The following ZNF687 variants were observed in gnomAD, a reference collection of about 807,000 sequenced individuals.
ZNF687 encodes the protein zinc finger protein 687.
A neutral mutation model predicts 71.8 loss-of-function variants in ZNF687; 13 were observed. The observed-to-expected ratio is 0.18, with a 90% CI of 0.12 to 0.29. The LOEUF (loss-of-function observed/expected upper bound fraction) is 0.29. Among genes scored for constraint, ZNF687 ranks in the 10% least tolerant of loss-of-function variants. The pLI, the probability that ZNF687 is intolerant of heterozygous loss-of-function variation, is 1.00. For missense variants in ZNF687, 1,412 were observed against 1,625.6 expected (o/e 0.87, Z 2.26); for synonymous variants, 673 against 641.6 (o/e 1.05, Z -0.74).
chr1:151,290,246 T>C lies in ZNF687; in HGVS notation c.3077+12T>C. The stretch of plus-strand genomic sequence containing the variant: ...GTTTACCCCTGCAGGTAAGTCTTGC[T>C]CCCCGCTTCCTCTTCCTGCCCAGCA... On this transcript the variant is annotated intron_variant, in intron 7 of 8. Coordinates refer to ENST00000336715, the MANE Select transcript of ZNF687 (RefSeq NM_020832.3). 1 of 1,613,426 alleles carries C rather than the reference T, an allele frequency of 6.2e-7. No individual in the cohort carries two copies. The highest frequency in any genetic ancestry group is 1.1e-5 in the South Asian group (1 of 91,074).
At position 151,287,684 on chromosome 1, in the gene ZNF687, G is replaced by A. The variant is rs916658735; in HGVS notation, c.1393G>A (p.Val465Met). 3.1e-6 allele frequency: 5 copies of A among 1,613,450 alleles called. No individual in the cohort carries two copies. In the Admixed American group the frequency reaches 8.3e-5, roughly 27 times the overall value. Residue 465 changes from valine to methionine, a missense_variant, in exon 2 of 9, where the codon GTG (valine) becomes ATG (methionine). Val to Met is a conservative substitution (Grantham distance 21). This residue lies in a region of ZNF687 where 133 missense variants were observed against 155.1 expected (regional missense o/e 0.86). Coordinates refer to ENST00000336715, the MANE Select transcript of ZNF687 (RefSeq NM_020832.3). This position sits in a 1 kb window ranked among gnomAD's most constrained non-coding sequence, Gnocchi z 5.0. ...RAGLGTGGQK[V>M]NGASVVMVQP... ...AGGGCTGGGGACTGGGGGACAGAAG[G>A]TGAATGGTGCCTCGGTGGTGATGGT...
chr1:151,288,543 C>T lies in ZNF687; in HGVS notation c.2131C>T (p.Pro711Ser). ...GATSNVCPTC[P>S]MMLPNRCSFS... ...CACTCGACAGGTGTGCCCAACCTGCCCCATGATGCTCCCCAATCGCTGCAG... is the reference window on the plus strand; with the variant it reads ...CACTCGACAGGTGTGCCCAACCTGCTCCATGATGCTCCCCAATCGCTGCAG... Residue 711 changes from proline (P) to serine (S), a missense_variant, in exon 3 of 9, where the codon CCC becomes TCC. This residue lies in a region of ZNF687 where 207 missense variants were observed against 239.2 expected (regional missense o/e 0.87). Transcript: ENST00000336715. 1.2e-6 allele frequency: 2 copies of T among 1,607,604 alleles called. No individual in the cohort carries two copies. Among genetic ancestry groups the T allele is most frequent in the Middle Eastern group, 1.7e-4 (1 of 6,018 alleles).
At chr1:151,282,256 C>T (rs1262901204), upstream of ZNF687, 8 of 1,010,288 alleles carry the variant, frequency 7.9e-6, no homozygotes, top group Non-Finnish European at 2.4e-6. Flanking sequence ...ACCTGGAGCG[C>T]GGAGGGAGGA....
chr1:151,282,192 G>C, upstream of ZNF687: 17 of 1,079,946 alleles, frequency 1.6e-5, no homozygotes, highest in East Asian at 2.4e-4. Flanking sequence ...AAGGGGCACA[G>C]GGCTGAGCGA....
At position 151,282,411 on chromosome 1, in the gene ZNF687, G is replaced by C. The variant is rs952209523; in HGVS notation, c.-18+16G>C. On this transcript the variant is annotated intron_variant, in intron 1 of 8. Transcript: ENST00000336715. ...AGCGGAACAAGTAAGCGTGCCTGGG[G>C]TAAATACCCGCCCTTGGCTCCGCCC... is the stretch of plus-strand genomic sequence containing the variant. 1 of 986,658 alleles carries C rather than the reference G, an allele frequency of 1.0e-6. No individual in the cohort carries two copies. Among genetic ancestry groups the C allele is most frequent in the African/African-American group, 1.7e-5 (1 of 57,244 alleles). The allele number at this position is 986,658 out of a possible 1,614,324, so 61.1% of individuals were successfully genotyped here.
At chr1:151,284,008 C>G in intron 1 of ZNF687, 1 of 985,442 alleles carries the variant, frequency 1.0e-6, no homozygotes, top group Non-Finnish European at 1.2e-6. Context: ...AGACCTGGGT[C>G]TCCCACAAAC....
upstream of ZNF687, chr1:151,281,890 A>T (rs1400243992): frequency 1.7e-6 from 1 of 601,748 alleles, no homozygotes; most frequent in Non-Finnish European, 2.5e-6. Flanking sequence ...CATTCGCGAA[A>T]GTGAACTGCA....
At position 151,287,797 on chromosome 1, in the gene ZNF687, C is replaced by T. The variant is rs1007039671; in HGVS notation, c.1506C>T (p.Asn502=). 3 of 1,613,958 alleles carry T rather than the reference C, an allele frequency of 1.9e-6. No individual in the cohort carries two copies. The highest frequency in any genetic ancestry group is 2.7e-5 in the African/African-American group (2 of 74,912). Residue 502 remains asparagine (N), a synonymous_variant, in exon 2 of 9, where the codon AAC becomes AAT. Transcript: ENST00000336715. This position sits in a 1 kb window ranked among gnomAD's most constrained non-coding sequence, Gnocchi z 5.0. ...AGTCCAGCCTGGTGGAGGCCTTCAA[C>T]AAGATCCTCAACAGCAAGAACCTGC... ...RTQSSLVEAF[N]KILNSKNLLP...
chr1:151,291,205 A>G lies in ZNF687; in HGVS notation c.3710A>G (p.Asn1237Ser). The change falls in exon 9 of 9, where the codon AAC becomes AGC. Residue 1237 changes from asparagine (N) to serine (S), a missense_variant. Physicochemically the swap from Asn to Ser is conservative, Grantham distance 46. Around this residue, in one of 8 missense-constraint regions of ZNF687, gnomAD observed 284 missense variants for 359.2 expected, o/e 0.79. Coordinates refer to ENST00000336715, the MANE Select transcript of ZNF687 (RefSeq NM_020832.3). ...IRARQGAVGD[N>S] ...GCTCGGCAGGGGGCTGTTGGGGACA[A>G]CTAGTCTCCAAGGCCTGGGACTGAC... 4 of 1,608,498 alleles carry G rather than the reference A, an allele frequency of 2.5e-6. No individual in the cohort carries two copies. The highest frequency in any genetic ancestry group is 3.4e-6 in the Non-Finnish European group (4 of 1,177,056).
rs781779014 is a variant in ZNF687, at chr1:151,288,686, C to G, written c.2274C>G (p.Val758=). ...QTHLREACLH[V]SRRVGYRCPS... is the part of the protein sequence containing the mutation. Reference sequence around the variant, plus strand: ...ATCTCCGGGAGGCCTGTCTGCACGTCTCTCGCCGTGTAGGATACAGGTGCC... The same window carrying G: ...ATCTCCGGGAGGCCTGTCTGCACGTGTCTCGCCGTGTAGGATACAGGTGCC... Residue 758 remains valine (V), a synonymous_variant, in exon 3 of 9, where the codon GTC becomes GTG. Transcript: ENST00000336715. The G allele has an allele frequency of 8.6e-5, 138 of 1,613,384 alleles. No homozygotes were observed. Among genetic ancestry groups the G allele is most frequent in the Non-Finnish European group, 1.1e-4 (133 of 1,179,660 alleles).
rs756034772 is a variant in ZNF687, at chr1:151,290,513, T to G, written c.3159T>G (p.Leu1053=). ...KHVQVRHGLQ[L]GAQSPGRGTT... is the part of the protein sequence containing the mutation. The stretch of plus-strand genomic sequence containing the variant: ...TCCAGGTCCGGCACGGCTTGCAGCT[T>G]GGGGCCCAGTCCCCTGGCCGGGGGA... The change falls in exon 8 of 9, where the codon CTT becomes CTG. Residue 1053 remains leucine (L), a synonymous_variant. Coordinates refer to ENST00000336715, the MANE Select transcript of ZNF687 (RefSeq NM_020832.3). 6.2e-7 allele frequency: 1 copy of G among 1,613,888 alleles called. No individual in the cohort carries two copies. Among genetic ancestry groups the G allele is most frequent in the Non-Finnish European group, 8.5e-7 (1 of 1,179,948 alleles).
Position 151,286,446 on chromosome 1 carries a change from A to T in ZNF687, c.155A>T (p.Glu52Val). ...KPEPGVGSES[E>V]DTAAASAGDG... ...GAACCAGGTGTAGGAAGTGAATCTG[A>T]AGACACAGCAGCAGCCTCTGCTGGG... Residue 52 changes from glutamate to valine, a missense_variant, in exon 2 of 9, where the codon GAA becomes GTA. This residue lies in a region of ZNF687 where 490 missense variants were observed against 489.9 expected (regional missense o/e 1.00). Transcript: ENST00000336715. 6.2e-7 allele frequency: 1 copy of T among 1,613,784 alleles called. No homozygotes were observed. Among genetic ancestry groups the T allele is most frequent in the Non-Finnish European group, 8.5e-7 (1 of 1,179,818 alleles).
Position 151,291,405 on chromosome 1 carries a change from T to A in ZNF687, c.*196T>A. 1.5e-6 allele frequency: 1 copy of A among 655,214 alleles called. No individual in the cohort carries two copies. Among genetic ancestry groups the A allele is most frequent in the Non-Finnish European group, 2.5e-6 (1 of 398,600 alleles). The allele number at this position is 655,214 out of a possible 1,614,324, so 40.6% of individuals were successfully genotyped here. A position where few individuals can be genotyped will look rare whatever the true frequency, so the allele number is the denominator to read the frequency against. ...CCCTTTGGGTTTGGCCCTGGAGTCCTAGTAGAGTGGACCCTCCATTCCTCC... is the reference window on the plus strand; with the variant it reads ...CCCTTTGGGTTTGGCCCTGGAGTCCAAGTAGAGTGGACCCTCCATTCCTCC... On this transcript the variant is annotated 3_prime_UTR_variant, in exon 9 of 9. Coordinates refer to ENST00000336715, the MANE Select transcript of ZNF687 (RefSeq NM_020832.3).
chr1:151,286,488 C>T lies in ZNF687; in HGVS notation c.197C>T (p.Pro66Leu). The change falls in exon 2 of 9, where the codon CCA (proline) becomes CTA (leucine). Residue 66 changes from proline to leucine, a missense_variant. Transcript: ENST00000336715. Reference protein sequence around the residue: ...AASAGDGPGVPAQASDHGLPP... With the variant: ...AASAGDGPGVLAQASDHGLPP... Reference sequence around the variant, plus strand: ...TCTGCTGGGGATGGCCCTGGAGTTCCAGCCCAGGCCTCTGACCATGGCCTG... The same window carrying T: ...TCTGCTGGGGATGGCCCTGGAGTTCTAGCCCAGGCCTCTGACCATGGCCTG... The T allele has an allele frequency of 6.2e-7, 1 of 1,614,064 alleles. No homozygotes were observed.
At chr1:151,283,411 G>C in intron 1 of ZNF687, 1 of 670,338 alleles carries the variant, frequency 1.5e-6, no homozygotes, top group Non-Finnish European at 1.8e-6. Flanking sequence ...AAGGGGGCGG[G>C]GGAGATAGGA....
chr1:151,288,109 G>A lies in ZNF687; in HGVS notation c.1818G>A (p.Gln606=), dbSNP rs901344092. ...HLVMRPVALD[Q]MVGQPDITPL... is the part of the protein sequence containing the mutation. ...TCATGAGGCCTGTAGCCCTTGACCAGATGGTGGGGCAGCCGGACATCACAC... is the reference window on the plus strand; with the variant it reads ...TCATGAGGCCTGTAGCCCTTGACCAAATGGTGGGGCAGCCGGACATCACAC... Residue 606 remains glutamine, a synonymous_variant, in exon 2 of 9, where the codon CAG becomes CAA. Coordinates refer to ENST00000336715, the MANE Select transcript of ZNF687 (RefSeq NM_020832.3). The A allele has an allele frequency of 3.7e-6, 6 of 1,613,854 alleles. No homozygotes were observed. The African/African-American group carries it at 6.7e-5, about 18-fold the overall frequency.
chr1:151,282,671 G>A (rs1693766201), intron 1 of ZNF687, among the ~76,000 whole-genome samples: 1 of 151,998 alleles, frequency 6.6e-6, no homozygotes, highest in Non-Finnish European at 1.5e-5. Context: ...CCCGAAGTGC[G>A]GCCCGGAGAT....
At chr1:151,290,272 C>T (rs746774980) in intron 7 of ZNF687, 38 bp downstream of exon 7, 40 of 1,610,868 alleles carry the variant, frequency 2.5e-5, no homozygotes, top group Middle Eastern at 1.7e-4. Flanking sequence ...CTGCCCAGCA[C>T]GTGACTCTCC....
chr1:151,282,884 G>C (rs1237713840), intron 1 of ZNF687, among the ~76,000 whole-genome samples: 1 of 152,200 alleles, frequency 6.6e-6, no homozygotes, highest in Non-Finnish European at 1.5e-5. Context: ...CCGGGAGTGC[G>C]CGGCGGGAGG....
Sources: gnomAD v4.1 joint callset for allele counts (sites outside exome capture counted in the v4.1 genomes callset) on GRCh38, gnomAD v4.1.1 for gene constraint, gnomAD v4.1.1 regional missense constraint, Gnocchi (gnomAD v3.1) non-coding constraint, MANE v1.5 for transcripts, NCBI Gene and HGNC (gene_info 2026-07-23, HGNC 2026-07-21) for gene names.